ASAP1: variants seen among roughly 807,000 people sequenced by gnomAD.
The protein encoded by ASAP1 is arf-GAP with SH3 domain, ANK repeat and PH domain-containing protein 1.
In ASAP1, 43 loss-of-function variants were observed where a neutral mutation model predicts 145.2. The observed-to-expected ratio is 0.30, with a 90% CI of 0.23 to 0.38. The LOEUF is 0.38. Among genes scored for constraint, ASAP1 ranks in the 10% least tolerant of loss-of-function variants. ASAP1 has a pLI of 1.00. For missense variants in ASAP1, 1,018 were observed against 1,355.3 expected (o/e 0.75, Z 3.91); for synonymous variants, 546 against 515.5 (o/e 1.06, Z -0.80).
intron 2 of ASAP1, among the ~76,000 whole-genome samples, chr8:130,381,549 A>G (rs1413607545): frequency 1.4e-5 from 1 of 71,394 alleles, no homozygotes; most frequent in African/African-American, 1.1e-4. Context: ...TTTGAGCACC[A>G]AAAGAGAATG....
rs142507246 is a variant in ASAP1, at chr8:130,297,251, C to T, written c.187-60257G>A. Among the ~76,000 whole-genome samples, 423 of 152,232 alleles carry T rather than the reference C, an allele frequency of 2.8e-3. 1 individual carries two copies. The highest frequency in any genetic ancestry group is 4.6e-3 in the Non-Finnish European group (310 of 68,014). On this transcript the variant is annotated intron_variant, in intron 3 of 29. Coordinates refer to ENST00000518721, the MANE Select transcript of ASAP1 (RefSeq NM_018482.4). Reference sequence around the variant, plus strand: ...CCTGTGGGAGATTAGTTCGTCTCCCCCCATGCATCAAAATCTGTGTATACT... The same window carrying T: ...CCTGTGGGAGATTAGTTCGTCTCCCTCCATGCATCAAAATCTGTGTATACT...
intron 3 of ASAP1, among the ~76,000 whole-genome samples, chr8:130,346,305 G>GA (rs1825700060): frequency 1.3e-5 from 2 of 152,234 alleles, no homozygotes; most frequent in South Asian, 2.1e-4. Context: ...AAATCAGGAA[G>GA]AAAAAAATCC....
intron 2 of ASAP1, among the ~76,000 whole-genome samples, chr8:130,359,884 A>G (rs1438324238): frequency 1.3e-5 from 2 of 150,296 alleles, no homozygotes; most frequent in Non-Finnish European, 1.5e-5. Flanking sequence ...CGGCCTCCCA[A>G]AGTGCTGGGA....
At chr8:130,422,438 CA>C (rs1829757695) in intron 1 of ASAP1, among the ~76,000 whole-genome samples, 1 of 152,186 alleles carries the variant, frequency 6.6e-6, no homozygotes. Context: ...AGGCTCGGAT[CA>C]CCCACGCTTC....
chr8:130,215,128 C>T (rs916340220), intron 4 of ASAP1, among the ~76,000 whole-genome samples: 18 of 152,052 alleles, frequency 1.2e-4, no homozygotes, highest in Admixed American at 9.8e-4. Context: ...TCTCAAACTC[C>T]TGACCTTGTG....
At chr8:130,240,357 T>G (rs1432213602) in intron 3 of ASAP1, among the ~76,000 whole-genome samples, 1 of 152,116 alleles carries the variant, frequency 6.6e-6, no homozygotes, top group Admixed American at 6.6e-5. Context: ...CTAAATAAAA[T>G]GCACTTTTAA....
chr8:130,093,858 C>T (rs138028066), intron 24 of ASAP1, among the ~76,000 whole-genome samples: 1 of 151,904 alleles, frequency 6.6e-6, no homozygotes, highest in African/African-American at 2.4e-5. Flanking sequence ...TTCCCATTGT[C>T]AATTACTAGT....
At chr8:130,144,938 C>T (rs79523818) in intron 13 of ASAP1, among the ~76,000 whole-genome samples, 2,663 of 152,142 alleles carry the variant, frequency 0.018, 36 homozygotes, top group East Asian at 0.053. Context: ...TTTATTGCAG[C>T]AAGGAATCGG....
rs377386876 is a variant in ASAP1 at position 130,079,856 on chromosome 8, G to A, written c.2642+46C>T. On this transcript the variant is annotated intron_variant, in intron 26 of 29. Coordinates refer to ENST00000518721, the MANE Select transcript of ASAP1 (RefSeq NM_018482.4). ...ACTCATTTCTAGAATTCTGTCCATT[G>A]CATCAATGGATCCAACAGGGGAAAT... is the stretch of plus-strand genomic sequence containing the variant. 5.1e-6 allele frequency: 8 copies of A among 1,562,964 alleles called. No homozygotes were observed. The African/African-American group carries it at 5.4e-5, about 11-fold the overall frequency.
chr8:130,301,802 T>C lies in ASAP1; in HGVS notation c.186+56215A>G, dbSNP rs535772329. ...CCATGTCAACAGATATGCATATGCA[T>C]TGTTGTTGAGAGTATCTATTCGTAG... On this transcript the variant is annotated intron_variant, in intron 3 of 29. Transcript: ENST00000518721. Among the ~76,000 whole-genome samples the C allele has an allele frequency of 1.2e-4, 19 of 152,348 alleles. 1 individual carries two copies. The highest frequency in any genetic ancestry group is 4.6e-4 in the African/African-American group (19 of 41,588).
At chr8:130,357,463 G>C (rs942402267) in intron 3 of ASAP1, among the ~76,000 whole-genome samples, 1 of 152,256 alleles carries the variant, frequency 6.6e-6, no homozygotes, top group Non-Finnish European at 1.5e-5. Flanking sequence ...TCAGGCACCA[G>C]AGACTAACAG....
intron 1 of ASAP1, among the ~76,000 whole-genome samples, chr8:130,433,574 T>TCTATTCAA (rs1830209617): frequency 2.0e-5 from 3 of 152,236 alleles, no homozygotes; most frequent in Admixed American, 2.0e-4. Flanking sequence ...TGGAAGGTAT[T>TCTATTCAA]CTAGCAGGTG....
intron 25 of ASAP1, among the ~76,000 whole-genome samples, chr8:130,089,105 C>T (rs182775752): frequency 1.3e-3 from 199 of 152,314 alleles, no homozygotes; most frequent in African/African-American, 4.6e-3. Flanking sequence ...ATACCCACTA[C>T]ACCAGTGGGG....
chr8:130,124,596 T>C (rs1379854919), intron 17 of ASAP1, among the ~76,000 whole-genome samples: 1 of 152,222 alleles, frequency 6.6e-6, no homozygotes, highest in Non-Finnish European at 1.5e-5. Context: ...GGATACAGAT[T>C]AAGATGCTGC....
intron 3 of ASAP1, among the ~76,000 whole-genome samples, chr8:130,317,087 CT>C (rs11348187): frequency 0.41 from 58,713 of 142,686 alleles, 11,795 homozygotes; most frequent in African/African-American, 0.49. Context: ...TCACATCATG[CT>C]TTTTTTTTTT....
In ASAP1 at chr8:130,353,850, G is replaced by A. The variant is rs890511598; in HGVS notation, c.186+4167C>T. Reference sequence around the variant, plus strand: ...CGCACCACTGCACTGCAGCCTCGGCGACAGAGTGAGAGAGCCTGTTTCACG... The same window carrying A: ...CGCACCACTGCACTGCAGCCTCGGCAACAGAGTGAGAGAGCCTGTTTCACG... On this transcript the variant is annotated intron_variant, in intron 3 of 29. Coordinates refer to ENST00000518721, the MANE Select transcript of ASAP1 (RefSeq NM_018482.4). Among the ~76,000 whole-genome samples, 9 of 149,096 alleles carry A rather than the reference G, an allele frequency of 6.0e-5. No individual in the cohort carries two copies. In the East Asian group the frequency reaches 9.7e-4, roughly 16 times the overall value.
intron 2 of ASAP1, among the ~76,000 whole-genome samples, chr8:130,399,105 C>T (rs1289235843): frequency 6.6e-6 from 1 of 152,184 alleles, no homozygotes; most frequent in Non-Finnish European, 1.5e-5. Flanking sequence ...TGGGACGTGC[C>T]TTTCTCTGTC....
chr8:130,323,994 C>A (rs1824176036), intron 3 of ASAP1, among the ~76,000 whole-genome samples: 1 of 152,242 alleles, frequency 6.6e-6, no homozygotes, highest in East Asian at 1.9e-4. Flanking sequence ...ACTACTCCCT[C>A]AGTTATCACC....
In ASAP1 at chr8:130,422,257, G is replaced by C. The variant is rs1227443805; in HGVS notation, c.-27-20287C>G. 2.0e-5 allele frequency among the ~76,000 whole-genome samples: 3 copies of C among 152,262 alleles called. No individual in the cohort carries two copies. The East Asian group carries it at 5.8e-4, about 29-fold the overall frequency. On this transcript the variant is annotated intron_variant, in intron 1 of 29. Coordinates refer to ENST00000518721, the MANE Select transcript of ASAP1 (RefSeq NM_018482.4). ...GAGGAAGGGGAGGAAAGGGAAGAAG[G>C]GGGCGTGGAGATGAAGCCGATGAGG... is the stretch of plus-strand genomic sequence containing the variant.
Sources: allele counts gnomAD v4.1 joint callset (sites outside exome capture counted in the v4.1 genomes callset), GRCh38; gene constraint gnomAD v4.1.1; transcripts MANE v1.5; gene names NCBI Gene and HGNC (gene_info 2026-07-23, HGNC 2026-07-21).